Variants in SULT4A1 observed in about 807,000 individuals in gnomAD.
SULT4A1 encodes sulfotransferase 4A1.
SULT4A1 carries 11 observed loss-of-function variants against 35.2 expected under a neutral mutation model. That is an observed-to-expected ratio of 0.31 (90% CI 0.20 to 0.52). SULT4A1 has a LOEUF of 0.52. Among genes scored for constraint, SULT4A1 ranks in the 20% least tolerant of loss-of-function variants. SULT4A1 has a pLI of 0.97. For missense variants in SULT4A1, 271 were observed against 383.7 expected (o/e 0.71, Z 2.45); for synonymous variants, 152 against 151.8 (o/e 1.00, Z -0.01).
intron 1 of SULT4A1, among the ~76,000 whole-genome samples, chr22:43,848,937 G>T (rs950609957): frequency 6.6e-6 from 1 of 152,214 alleles, no homozygotes; most frequent in Non-Finnish European, 1.5e-5. Flanking sequence ...GCAGCTCTTC[G>T]CAAGTCGGCT....
chr22:43,856,636 C>T (rs976017851), intron 1 of SULT4A1, among the ~76,000 whole-genome samples: 1 of 152,262 alleles, frequency 6.6e-6, no homozygotes. Flanking sequence ...TTCAGACCTA[C>T]GAGGAAGACC....
Position 43,825,020 on chromosome 22 carries a change from CAG to C in SULT4A1, c.*979_*980del, listed in dbSNP as rs776169241. 1 of 152,206 alleles carries C rather than the reference CAG, an allele frequency of 6.6e-6. No individual in the cohort carries two copies. The highest frequency in any genetic ancestry group is 1.5e-5 in the Non-Finnish European group (1 of 68,042). 9.4% of individuals were successfully genotyped at this position (152,206 alleles called of 1,614,324 possible). A position where few individuals can be genotyped will look rare whatever the true frequency, so the allele number is the denominator to read the frequency against. ...CCGTGCCAACCTGATCCGAGTGAAA[CAG>C]GGCTACACTCGCAAAATGGTCCTCC... On this transcript the variant is annotated 3_prime_UTR_variant, in exon 7 of 7. Transcript: ENST00000330884.
chr22:43,828,588 A>C (rs1158671471), intron 6 of SULT4A1, among the ~76,000 whole-genome samples: 3 of 152,196 alleles, frequency 2.0e-5, no homozygotes, highest in Admixed American at 6.5e-5. Context: ...GCGTCCACTC[A>C]GTGAAGGAAG....
chr22:43,858,717 C>T (rs1420433329), intron 1 of SULT4A1, among the ~76,000 whole-genome samples: 1 of 152,116 alleles, frequency 6.6e-6, no homozygotes, highest in African/African-American at 2.4e-5. Flanking sequence ...CTCCCACCCC[C>T]ACGCCTCTCT....
rs920130605 is a variant in SULT4A1, at chr22:43,825,086, G to A, written c.*915C>T. On this transcript the variant is annotated 3_prime_UTR_variant, in exon 7 of 7. Coordinates refer to ENST00000330884, the MANE Select transcript of SULT4A1 (RefSeq NM_014351.4). ...CTCAGGTGCACAGAACAAACTGAAT[G>A]ATAAAGACCCGGGGATTTTAGAAAT... 6.6e-6 allele frequency: 1 copy of A among 152,212 alleles called. No individual in the cohort carries two copies. Among genetic ancestry groups the A allele is most frequent in the African/African-American group, 2.4e-5 (1 of 41,448 alleles). 9.4% of individuals were successfully genotyped at this position (152,212 alleles called of 1,614,324 possible).
intron 1 of SULT4A1, among the ~76,000 whole-genome samples, chr22:43,855,656 C>A (rs975081037): frequency 3.9e-5 from 6 of 152,170 alleles, no homozygotes. Context: ...CCCTGCTAAC[C>A]ATAACACAGT....
intron 6 of SULT4A1, chr22:43,826,597 C>G (rs758679064): frequency 1.0e-6 from 1 of 985,126 alleles, no homozygotes; most frequent in Admixed American, 6.2e-5. Flanking sequence ...GCCACCAAGG[C>G]GTCATTGGCT....
chr22:43,852,847 G>A (rs972059858), intron 1 of SULT4A1, among the ~76,000 whole-genome samples: 5 of 151,222 alleles, frequency 3.3e-5, no homozygotes, highest in Non-Finnish European at 4.4e-5. Flanking sequence ...CCAGGAGCTC[G>A]CTACGACTTC....
At chr22:43,860,562 G>T (rs1420622720) in intron 1 of SULT4A1, among the ~76,000 whole-genome samples, 1 of 152,128 alleles carries the variant, frequency 6.6e-6, no homozygotes, top group African/African-American at 2.4e-5. Context: ...CACTCTGCTG[G>T]TAAGCCGCAA....
At chr22:43,829,294 A>T in intron 5 of SULT4A1, 96 bp from the exon 6 acceptor site, 1 of 1,334,890 alleles carries the variant, frequency 7.5e-7, no homozygotes, top group Middle Eastern at 1.9e-4. Flanking sequence ...GACTTTTTAC[A>T]CACGGCCTTC....
chr22:43,826,294 G>A (rs1464352934), intron 6 of SULT4A1, 181 bp from the exon 7 acceptor site: 16 of 985,310 alleles, frequency 1.6e-5, no homozygotes, highest in Non-Finnish European at 1.8e-5. Flanking sequence ...TAACATTTGT[G>A]AAACTACTGG....
At chr22:43,847,184 A>T (rs2063482068) in intron 1 of SULT4A1, among the ~76,000 whole-genome samples, 1 of 152,034 alleles carries the variant, frequency 6.6e-6, no homozygotes, top group South Asian at 2.1e-4. Context: ...CGTGGGCATC[A>T]GGGAGGGAGG....
At chr22:43,833,798 T>C (rs2063343153) in intron 4 of SULT4A1, 64 bp from the exon 5 acceptor site, 2 of 1,378,436 alleles carry the variant, frequency 1.5e-6, no homozygotes, top group Non-Finnish European at 1.0e-6. Context: ...CATGGGGCCA[T>C]CCCCACCCCA....
At chr22:43,849,018 T>C (rs913408869) in intron 1 of SULT4A1, among the ~76,000 whole-genome samples, 2 of 152,174 alleles carry the variant, frequency 1.3e-5, no homozygotes, top group Admixed American at 6.5e-5. Context: ...AACCGATCAA[T>C]ACCCCCTGCA....
chr22:43,855,073 G>T (rs112924720), intron 1 of SULT4A1, among the ~76,000 whole-genome samples: 2,437 of 152,288 alleles, frequency 0.016, 29 homozygotes, highest in Middle Eastern at 0.024. Flanking sequence ...ATTCCCCACA[G>T]AGCACCCTCC....
chr22:43,862,425 G>A lies in SULT4A1; in HGVS notation c.-43C>T, dbSNP rs774452060. On this transcript the variant is annotated 5_prime_UTR_variant, in exon 1 of 7. Transcript: ENST00000330884. ...CGCCGCCGCCGCCTCCCGGCTCGCA[G>A]CCCGCACGCGCCCGCGCCCGCGCCC... 2.1e-6 allele frequency: 2 copies of A among 940,704 alleles called. No homozygotes were observed. Among genetic ancestry groups the A allele is most frequent in the Non-Finnish European group, 2.5e-6 (2 of 811,132 alleles). 58.3% of individuals were successfully genotyped at this position (940,704 alleles called of 1,614,324 possible).
intron 2 of SULT4A1, among the ~76,000 whole-genome samples, 199 bp from the exon 3 acceptor site, chr22:43,840,224 G>A (rs2063414639): frequency 6.7e-6 from 1 of 150,024 alleles, no homozygotes; most frequent in South Asian, 2.1e-4. Flanking sequence ...AGGCCAGAGG[G>A]AGGGGTAAGG....
chr22:43,859,848 C>T (rs886207292), intron 1 of SULT4A1, among the ~76,000 whole-genome samples: 1 of 152,174 alleles, frequency 6.6e-6, no homozygotes, highest in African/African-American at 2.4e-5. Context: ...ACAGAATTTC[C>T]ACTTTTATTT....
intron 4 of SULT4A1, among the ~76,000 whole-genome samples, chr22:43,834,385 C>CA (rs1439143870): frequency 2.1e-4 from 19 of 92,322 alleles, no homozygotes; most frequent in Admixed American, 3.8e-4. Flanking sequence ...GAGCTTCCCG[C>CA]GCCCCCACCG....
Sources: gnomAD v4.1 joint callset for allele counts (sites outside exome capture counted in the v4.1 genomes callset) on GRCh38, gnomAD v4.1.1 for gene constraint, MANE v1.5 for transcripts, NCBI Gene and HGNC (gene_info 2026-07-23, HGNC 2026-07-21) for gene names.